TBCK: variants seen among roughly 807,000 people sequenced by gnomAD.
The protein encoded by TBCK is TBC domain-containing protein kinase-like protein.
In TBCK, 99 loss-of-function variants were observed where a neutral mutation model predicts 113.4. The ratio of observed to expected loss-of-function variants is 0.87; its 90% CI spans 0.74 to 1.03. TBCK has a LOEUF of 1.03. Among genes scored for constraint, TBCK ranks in the 50% least tolerant of loss-of-function variants. The pLI, the probability that TBCK is intolerant of heterozygous loss-of-function variation, is 0.00. For synonymous variants in TBCK, 369 were observed against 370.8 expected, an observed-to-expected ratio of 1.00 and a Z score of 0.05; for missense variants, 1,045 against 1,061.3, an observed-to-expected ratio of 0.98 and a Z score of 0.21.
intron 19 of TBCK, among the ~76,000 whole-genome samples, chr4:106,229,678 T>C (rs572175094): frequency 6.6e-6 from 1 of 152,196 alleles, no homozygotes; most frequent in South Asian, 2.1e-4. Flanking sequence ...GATAATGTGA[T>C]TCCTCCAGTT....
At chr4:106,204,256 T>C (rs906493140) in intron 20 of TBCK, among the ~76,000 whole-genome samples, 47 of 152,244 alleles carry the variant, frequency 3.1e-4, no homozygotes, top group African/African-American at 9.6e-4. Flanking sequence ...AAGCTAAAAA[T>C]AGATTATGTA....
intron 24 of TBCK, among the ~76,000 whole-genome samples, chr4:106,114,007 T>C (rs899251980): frequency 5.3e-5 from 8 of 152,188 alleles, no homozygotes; most frequent in African/African-American, 1.9e-4. Flanking sequence ...ACACTACATG[T>C]CACTCCTTAA....
At chr4:106,311,395 T>C (rs1357496190) in intron 1 of TBCK, among the ~76,000 whole-genome samples, 3 of 152,102 alleles carry the variant, frequency 2.0e-5, no homozygotes, top group Non-Finnish European at 2.9e-5. Flanking sequence ...AAGCAAACTA[T>C]AGCCATATTT....
intron 23 of TBCK, among the ~76,000 whole-genome samples, chr4:106,166,451 A>G (rs1750380833): frequency 6.6e-6 from 1 of 151,786 alleles, no homozygotes; most frequent in African/African-American, 2.4e-5. Context: ...AGGAGAAATA[A>G]ATAAAATTTA....
At chr4:106,265,857 AG>A (rs1295675983) in intron 3 of TBCK, among the ~76,000 whole-genome samples, 1 of 151,808 alleles carries the variant, frequency 6.6e-6, no homozygotes, top group Non-Finnish European at 1.5e-5. Flanking sequence ...TTTGAAGTAA[AG>A]GAATAAGCTG....
Position 106,236,508 on chromosome 4 carries a change from A to G in TBCK, c.1232T>C (p.Leu411Ser). The G allele has an allele frequency of 6.5e-7, 1 of 1,539,732 alleles. No individual in the cohort carries two copies. ...CTCATTATTGCTGTTTGAATGAGGT[A>G]AATTAGACTGGCTGTAAAAGAGAAC... The part of the protein sequence containing the change: ...YPLLEDDQSN[L>S]PHSNSNNELS... Residue 411 changes from leucine to serine, a missense_variant, in exon 14 of 26, where the codon TTA becomes TCA. Leu to Ser is a moderately radical substitution (Grantham distance 145). Coordinates refer to ENST00000394708, the MANE Select transcript of TBCK (RefSeq NM_001163435.3).
At chr4:106,197,632 A>G (rs1477291201) in intron 20 of TBCK, among the ~76,000 whole-genome samples, 1 of 151,926 alleles carries the variant, frequency 6.6e-6, no homozygotes, top group Non-Finnish European at 1.5e-5. Context: ...TTAGTAATGG[A>G]GGAAAATTAT....
chr4:106,211,345 T>G (rs1272146567), intron 20 of TBCK, among the ~76,000 whole-genome samples: 8 of 152,146 alleles, frequency 5.3e-5, no homozygotes. Flanking sequence ...CAACAGCCTT[T>G]TATTTTTATT....
chr4:106,293,921 T>A (rs1478079812), intron 3 of TBCK, among the ~76,000 whole-genome samples: 2 of 152,222 alleles, frequency 1.3e-5, no homozygotes, highest in Non-Finnish European at 2.9e-5. Context: ...AGATTTTTGA[T>A]AATTTTAAGG....
Position 106,141,890 on chromosome 4 carries a change from G to T in TBCK, c.2236-25512C>A, listed in dbSNP as rs1179038564. 1.0e-4 allele frequency among the ~76,000 whole-genome samples: 14 copies of T among 140,698 alleles called. 1 individual carries two copies. The highest frequency in any genetic ancestry group is 4.9e-4 in the Admixed American group (7 of 14,286). The allele number at this position is 140,698 out of a possible 152,430, so 92.3% of individuals were successfully genotyped here. Reference sequence around the variant, plus strand: ...GAAAGCTAATTCTACAATTTATGTAGAAACACAGCACCAAACACATGGTAT... The same window carrying T: ...GAAAGCTAATTCTACAATTTATGTATAAACACAGCACCAAACACATGGTAT... On this transcript the variant is annotated intron_variant, in intron 23 of 25. Transcript: ENST00000394708.
chr4:106,130,628 A>ACACC (rs750616810), intron 23 of TBCK, among the ~76,000 whole-genome samples: 74 of 144,722 alleles, frequency 5.1e-4, no homozygotes, highest in African/African-American at 1.2e-3. Flanking sequence ...ACACACACAC[A>ACACC]CCACACAGAA....
In TBCK at chr4:106,043,736, A is replaced by AGTATGT. The variant is rs1733988228; in HGVS notation, c.*2833_*2834insACATAC. 1 of 149,044 alleles carries AGTATGT rather than the reference A, an allele frequency of 6.7e-6. No homozygotes were observed. Among genetic ancestry groups the AGTATGT allele is most frequent in the Non-Finnish European group, 1.5e-5 (1 of 67,012 alleles). 9.2% of individuals were successfully genotyped at this position (149,044 alleles called of 1,614,324 possible). A position where few individuals can be genotyped will look rare whatever the true frequency, so the allele number is the denominator to read the frequency against. ...GTTAATAAGTGTGTTTATGAATGTG[A>AGTATGT]GTGTGTGTGTGTGTGTGTGTGTATG... On this transcript the variant is annotated 3_prime_UTR_variant, in exon 26 of 26. Transcript: ENST00000394708.
rs1006372713 is a variant in TBCK at position 106,043,046 on chromosome 4, C to T, written c.*3524G>A. 1.3e-5 allele frequency: 2 copies of T among 152,188 alleles called. No homozygotes were observed. Among genetic ancestry groups the T allele is most frequent in the Non-Finnish European group, 2.9e-5 (2 of 68,026 alleles). The allele number at this position is 152,188 out of a possible 1,614,324, so 9.4% of individuals were successfully genotyped here. On this transcript the variant is annotated 3_prime_UTR_variant, in exon 26 of 26. Transcript: ENST00000394708. ...TATGTCTTCTATTCCTATATGTATT[C>T]CAAAACCTGAGTTCTTGGGGCTTAT...
intron 12 of TBCK, among the ~76,000 whole-genome samples, chr4:106,240,678 T>C (rs554422811): frequency 6.6e-6 from 1 of 152,052 alleles, no homozygotes; most frequent in Non-Finnish European, 1.5e-5. Flanking sequence ...ATACTTAAGA[T>C]CTATACATTT....
intron 3 of TBCK, among the ~76,000 whole-genome samples, chr4:106,291,714 T>C (rs1765729920): frequency 6.6e-6 from 1 of 152,248 alleles, no homozygotes; most frequent in Admixed American, 6.5e-5. Context: ...AGCCCTTTAC[T>C]ATCGGTGAAG....
intron 24 of TBCK, among the ~76,000 whole-genome samples, chr4:106,097,676 A>G (rs1448132472): frequency 1.3e-5 from 2 of 152,144 alleles, no homozygotes. Flanking sequence ...CCCATGTGAC[A>G]CAGACAGCAT....
intron 19 of TBCK, among the ~76,000 whole-genome samples, chr4:106,217,473 T>A (rs970143270): frequency 6.6e-6 from 1 of 152,140 alleles, no homozygotes; most frequent in African/African-American, 2.4e-5. Flanking sequence ...AAAACCCCAT[T>A]GTCTCAGCCC....
intron 25 of TBCK, among the ~76,000 whole-genome samples, chr4:106,061,930 C>A (rs1412335088): frequency 6.6e-6 from 1 of 151,576 alleles, no homozygotes; most frequent in African/African-American, 2.4e-5. Flanking sequence ...TCTTAATGTA[C>A]TGGGTCACAA....
intron 22 of TBCK, among the ~76,000 whole-genome samples, chr4:106,175,352 G>A (rs545757758): frequency 1.4e-5 from 2 of 143,672 alleles, no homozygotes; most frequent in Non-Finnish European, 3.0e-5. Context: ...CCAAAAATCA[G>A]ATTGAATTTT....
Sources: allele counts gnomAD v4.1 joint callset (sites outside exome capture counted in the v4.1 genomes callset), GRCh38; gene constraint gnomAD v4.1.1; transcripts MANE v1.5; gene names NCBI Gene and HGNC (gene_info 2026-07-23, HGNC 2026-07-21).